The following CYP2J2 variants were observed in gnomAD, a reference collection of about 807,000 sequenced individuals.
CYP2J2 encodes cytochrome P450 family 2 subfamily J member 2, also known as cytochrome P450 2J2.
In CYP2J2, 41 loss-of-function variants were observed where a neutral mutation model predicts 48.8. The observed-to-expected ratio is 0.84, with a 90% CI of 0.66 to 1.09. The LOEUF is 1.09. Among genes scored for constraint, CYP2J2 ranks in the 50% least tolerant of loss-of-function variants. The pLI is 0.00. For missense variants in CYP2J2, 644 were observed against 617.3 expected (o/e 1.04, Z -0.46); for synonymous variants, 221 against 227.1 (o/e 0.97, Z 0.24).
chr1:59,896,123 CA>C (rs1644266597), intron 8 of CYP2J2, among the ~76,000 whole-genome samples: 1 of 151,912 alleles, frequency 6.6e-6, no homozygotes, highest in Admixed American at 6.6e-5. Flanking sequence ...CATTTTTTTC[CA>C]AAAGTCCTGG....
chr1:59,898,048 T>C (rs1644284908), intron 8 of CYP2J2, among the ~76,000 whole-genome samples: 2 of 152,180 alleles, frequency 1.3e-5, no homozygotes, highest in South Asian at 4.1e-4. Flanking sequence ...CAGATAAATT[T>C]TTTGCCTTCT....
chr1:59,905,633 T>C (rs1644358395), intron 6 of CYP2J2, among the ~76,000 whole-genome samples: 1 of 152,212 alleles, frequency 6.6e-6, no homozygotes, highest in Non-Finnish European at 1.5e-5. Flanking sequence ...TGCAAACTCT[T>C]GCTCTACAAC....
chr1:59,920,438 G>A (rs1345320608), intron 1 of CYP2J2, among the ~76,000 whole-genome samples: 1 of 151,934 alleles, frequency 6.6e-6, no homozygotes, highest in Non-Finnish European at 1.5e-5. Context: ...CAATCTAATG[G>A]AGCATATAGA....
chr1:59,911,465 T>G (rs1305757197), intron 4 of CYP2J2, 143 bp downstream of exon 4: 6 of 569,630 alleles, frequency 1.1e-5, no homozygotes, highest in Non-Finnish European at 1.8e-5. Flanking sequence ...TAGATTTATT[T>G]CAAATAAGTT....
the CYP2J2 span, among the ~76,000 whole-genome samples, chr1:59,952,598 C>A: frequency 2.6e-5 from 4 of 152,120 alleles, no homozygotes; most frequent in Non-Finnish European, 4.4e-5. Context: ...GCAAGCCAGG[C>A]AGAACCAGAG....
chr1:59,902,191 T>C (rs1048802631), intron 7 of CYP2J2, among the ~76,000 whole-genome samples: 3 of 152,180 alleles, frequency 2.0e-5, no homozygotes, highest in African/African-American at 4.8e-5. Context: ...CACTTCCTTT[T>C]GGAAGCCTTC....
At chr1:59,926,848 G>T, upstream of CYP2J2, 1 of 1,095,202 alleles carries the variant, frequency 9.1e-7, no homozygotes, top group Non-Finnish European at 1.3e-6. Context: ...CCGCCTCCCA[G>T]CCCGCCCCTT....
chr1:59,899,268 C>G (rs556056905), intron 8 of CYP2J2, among the ~76,000 whole-genome samples: 1 of 152,314 alleles, frequency 6.6e-6, no homozygotes, highest in East Asian at 1.9e-4. Flanking sequence ...CTCTTGTAGA[C>G]AGGAAGACTG....
intron 2 of CYP2J2, chr1:59,912,941 A>AT (rs2102126059): frequency 6.6e-6 from 1 of 152,322 alleles, no homozygotes; most frequent in African/African-American, 2.4e-5. Flanking sequence ...AGAAAAAAAA[A>AT]TTTTGGTGTG....
At chr1:59,950,632 G>C in the CYP2J2 span, among the ~76,000 whole-genome samples, 1 of 152,228 alleles carries the variant, frequency 6.6e-6, no homozygotes, top group African/African-American at 2.4e-5. Flanking sequence ...CCCGACCATA[G>C]TGGCTTGACC....
chr1:59,916,224 CGT>C (rs147421653), intron 1 of CYP2J2, 124 bp from the exon 2 acceptor site: 14,974 of 548,544 alleles, frequency 0.027, 1 homozygote, highest in East Asian at 0.04. Context: ...TGTGTGTGTA[CGT>C]GTGTGTGTGT....
At chr1:59,966,664 GC>G in the CYP2J2 span, among the ~76,000 whole-genome samples, 1 of 152,132 alleles carries the variant, frequency 6.6e-6, no homozygotes, top group East Asian at 1.9e-4. Context: ...TGCAGGTGGG[GC>G]CAATTAAGAA....
At chr1:59,930,100 C>T (rs1050918679), upstream of CYP2J2, among the ~76,000 whole-genome samples, 1 of 152,002 alleles carries the variant, frequency 6.6e-6, no homozygotes, top group Non-Finnish European at 1.5e-5. Flanking sequence ...GACCAAAAGG[C>T]AGTAGGATGA....
chr1:59,940,669 C>T, the CYP2J2 span, among the ~76,000 whole-genome samples: 2 of 152,250 alleles, frequency 1.3e-5, no homozygotes, highest in East Asian at 1.9e-4. Context: ...TGTATGTTTA[C>T]CACTGCACTA....
the CYP2J2 span, among the ~76,000 whole-genome samples, chr1:59,940,150 T>G: frequency 1.4e-4 from 22 of 152,178 alleles, no homozygotes; most frequent in Non-Finnish European, 5.9e-5. Flanking sequence ...AGGAGTTTCT[T>G]CCCATAGCCA....
the CYP2J2 span, among the ~76,000 whole-genome samples, chr1:59,953,949 C>G: frequency 2.6e-5 from 4 of 152,200 alleles, no homozygotes; most frequent in South Asian, 4.1e-4. Flanking sequence ...CAGTTGATAG[C>G]TCTGTGCACA....
the CYP2J2 span, among the ~76,000 whole-genome samples, chr1:59,958,127 A>C: frequency 6.6e-6 from 1 of 152,030 alleles, no homozygotes; most frequent in East Asian, 1.9e-4. Context: ...TGATTACCCA[A>C]TTTCTCCTAA....
At chr1:59,964,512 G>A in the CYP2J2 span, among the ~76,000 whole-genome samples, 3 of 152,188 alleles carry the variant, frequency 2.0e-5, no homozygotes, top group Non-Finnish European at 4.4e-5. Context: ...AAGAGAGACT[G>A]GAAAATTGAG....
the CYP2J2 span, among the ~76,000 whole-genome samples, chr1:59,932,083 T>G: frequency 6.6e-6 from 1 of 152,144 alleles, no homozygotes; most frequent in Non-Finnish European, 1.5e-5. Flanking sequence ...TTAGGATTTA[T>G]TTTTTATTAT....
Sources: gnomAD v4.1 joint callset for allele counts (sites outside exome capture counted in the v4.1 genomes callset) on GRCh38, gnomAD v4.1.1 for gene constraint, MANE v1.5 for transcripts, NCBI Gene and HGNC (gene_info 2026-07-23, HGNC 2026-07-21) for gene names.